CFAP20DC: variants seen among roughly 807,000 people sequenced by gnomAD.
CFAP20DC encodes the protein protein CFAP20DC.
A neutral mutation model predicts 101.7 loss-of-function variants in CFAP20DC; 84 were observed. The observed-to-expected ratio is 0.83, with a 90% CI of 0.69 to 0.99. CFAP20DC has a LOEUF of 0.99. CFAP20DC is among the 50% of genes least tolerant of loss of function. The pLI is 0.00. For missense variants in CFAP20DC, 1,007 were observed against 970.3 expected, an observed-to-expected ratio of 1.04 and a Z score of -0.50; for synonymous variants, 359 against 351.2, an observed-to-expected ratio of 1.02 and a Z score of -0.25.
chr3:58,847,471 C>G (rs1439739952), intron 13 of CFAP20DC, among the ~76,000 whole-genome samples: 1 of 150,164 alleles, frequency 6.7e-6, no homozygotes. Context: ...AATGAGATAC[C>G]ATCTCACACC....
chr3:58,870,084 T>A, intron 8 of CFAP20DC, 89 bp downstream of exon 8: 1 of 830,298 alleles, frequency 1.2e-6, no homozygotes, highest in Non-Finnish European at 1.9e-6. Context: ...TGTCTGTCTT[T>A]CCCTCCCTCC....
chr3:58,975,289 C>T (rs2092212075), intron 4 of CFAP20DC, among the ~76,000 whole-genome samples: 1 of 152,134 alleles, frequency 6.6e-6, no homozygotes, highest in Non-Finnish European at 1.5e-5. Context: ...GTACTTACCA[C>T]AATTTGTAAC....
At chr3:58,733,006 C>A (rs370620982) in intron 3 of CFAP20DC, among the ~76,000 whole-genome samples, 1 of 152,108 alleles carries the variant, frequency 6.6e-6, no homozygotes, top group African/African-American at 2.4e-5. Flanking sequence ...ATTTTGTCTA[C>A]GGGGAAGAGA....
chr3:58,870,316 T>G lies in CFAP20DC; in HGVS notation c.716-7A>C. 6.2e-7 allele frequency: 1 copy of G among 1,613,012 alleles called. No homozygotes were observed. Among genetic ancestry groups the G allele is most frequent in the African/African-American group, 1.3e-5 (1 of 74,994 alleles). ...CCTCTGTTAATGAACTGATCTGTTT[T>G]GTTAAAGGAAGGTAATAATAGTCCA... On this transcript the variant is annotated splice_polypyrimidine_tract_variant and splice_region_variant and intron_variant, in intron 7 of 16. Coordinates refer to ENST00000482387, the MANE Select transcript of CFAP20DC (RefSeq NM_001394063.1).
intron 16 of CFAP20DC, among the ~76,000 whole-genome samples, chr3:58,750,295 C>T (rs1479972157): frequency 6.6e-6 from 1 of 152,154 alleles, no homozygotes; most frequent in Admixed American, 6.5e-5. Flanking sequence ...AGTAATTCCT[C>T]CAGCTGCAGA....
In CFAP20DC at chr3:58,913,467, G is replaced by A. The variant is rs1341334192; in HGVS notation, c.550+241C>T. 1.7e-6 allele frequency: 1 copy of A among 602,574 alleles called. No homozygotes were observed. Among genetic ancestry groups the A allele is most frequent in the East Asian group, 2.7e-5 (1 of 36,442 alleles). 37.3% of individuals were successfully genotyped at this position (602,574 alleles called of 1,614,324 possible). On this transcript the variant is annotated intron_variant, in intron 6 of 16. Coordinates refer to ENST00000482387, the MANE Select transcript of CFAP20DC (RefSeq NM_001394063.1). The surrounding 1 kb of genome is among the most constrained non-coding windows in gnomAD (Gnocchi z 4.4). ...AAGGAGCCTAAGACAGATAGCAAGT[G>A]TTACCATAAAGAAAAAAGAAAACAA...
chr3:58,996,022 C>CTATCTATCT (rs1255892199), intron 4 of CFAP20DC, among the ~76,000 whole-genome samples: 2 of 150,482 alleles, frequency 1.3e-5, no homozygotes, highest in East Asian at 3.9e-4. Flanking sequence ...ATCTATCTAT[C>CTATCTATCT]TATTGTTTCT....
downstream of CFAP20DC, among the ~76,000 whole-genome samples, chr3:58,716,310 C>T (rs902988390): frequency 2.6e-5 from 4 of 151,282 alleles, no homozygotes; most frequent in Admixed American, 6.6e-5. Flanking sequence ...TACAGGCGCC[C>T]GCCACCACGC....
chr3:58,986,783 C>G (rs111243174), intron 4 of CFAP20DC, among the ~76,000 whole-genome samples: 4 of 152,084 alleles, frequency 2.6e-5, no homozygotes, highest in African/African-American at 9.6e-5. Context: ...TACCAGCAAT[C>G]CATGCTACAG....
intron 15 of CFAP20DC, among the ~76,000 whole-genome samples, chr3:58,803,200 T>G (rs1027379828): frequency 6.6e-6 from 1 of 152,298 alleles, no homozygotes; most frequent in Non-Finnish European, 1.5e-5. Context: ...CGCTTTCCTC[T>G]CTGTGGAAGT....
intron 14 of CFAP20DC, among the ~76,000 whole-genome samples, chr3:58,817,443 A>G (rs1455074992): frequency 2.0e-5 from 3 of 148,710 alleles, no homozygotes; most frequent in Non-Finnish European, 4.5e-5. Context: ...AGAAGTGCTT[A>G]AAGGAGCTGA....
At chr3:58,739,508 A>G (rs536276543), downstream of CFAP20DC, among the ~76,000 whole-genome samples, 1 of 152,250 alleles carries the variant, frequency 6.6e-6, no homozygotes, top group Non-Finnish European at 1.5e-5. Context: ...ATGAAAACTA[A>G]TAATACAGGC....
At chr3:58,791,715 T>C (rs2107637591) in intron 15 of CFAP20DC, among the ~76,000 whole-genome samples, 1 of 152,304 alleles carries the variant, frequency 6.6e-6, no homozygotes, top group East Asian at 1.9e-4. Flanking sequence ...TTCTTGCTCA[T>C]GTTAAGTTTT....
intron 5 of CFAP20DC, among the ~76,000 whole-genome samples, chr3:58,919,152 T>C (rs1339525690): frequency 1.3e-5 from 2 of 152,176 alleles, no homozygotes; most frequent in Non-Finnish European, 2.9e-5. Context: ...TCACCTTAGA[T>C]GATTTGTGTT....
intron 4 of CFAP20DC, among the ~76,000 whole-genome samples, chr3:58,982,242 A>G (rs2092581010): frequency 1.3e-5 from 2 of 152,148 alleles, no homozygotes; most frequent in African/African-American, 4.8e-5. Context: ...AAATAGGAAC[A>G]CTTTTACACT....
chr3:58,802,391 A>G (rs1048104962), intron 15 of CFAP20DC, among the ~76,000 whole-genome samples: 1 of 152,198 alleles, frequency 6.6e-6, no homozygotes, highest in Non-Finnish European at 1.5e-5. Flanking sequence ...ACTTCTCTAC[A>G]TTATGTGAGA....
intron 7 of CFAP20DC, among the ~76,000 whole-genome samples, chr3:58,883,035 T>C (rs1189749025): frequency 2.6e-5 from 4 of 152,168 alleles, no homozygotes; most frequent in African/African-American, 9.7e-5. Context: ...ATATAGAAAA[T>C]ATCCCAAGAA....
At chr3:59,021,054 T>G (rs547268668) in intron 4 of CFAP20DC, among the ~76,000 whole-genome samples, 14 of 152,114 alleles carry the variant, frequency 9.2e-5, no homozygotes, top group African/African-American at 3.1e-4. Flanking sequence ...GAGGATCCAG[T>G]AGAGGACTCT....
chr3:58,920,134 G>A (rs2085194261), intron 5 of CFAP20DC, among the ~76,000 whole-genome samples: 1 of 121,672 alleles, frequency 8.2e-6, no homozygotes, highest in African/African-American at 3.1e-5. Flanking sequence ...AGGCTGGAGT[G>A]TAGTGACATG....
Sources: allele counts gnomAD v4.1 joint callset (sites outside exome capture counted in the v4.1 genomes callset), GRCh38; gene constraint gnomAD v4.1.1; non-coding constraint Gnocchi (gnomAD v3.1); transcripts MANE v1.5; gene names NCBI Gene and HGNC (gene_info 2026-07-23, HGNC 2026-07-21).